Variants in HDGFL2 observed in about 807,000 individuals in gnomAD.
The protein encoded by HDGFL2 is HDGF like 2, also known as hepatoma-derived growth factor-related protein 2.
HDGFL2 carries 36 observed loss-of-function variants against 77.1 expected under a neutral mutation model. That is an observed-to-expected ratio of 0.47 (90% CI 0.36 to 0.62). The LOEUF is 0.62. Ranked by LOEUF, HDGFL2 falls within the 20% of genes least tolerant of loss-of-function variation. The pLI is 0.00. For synonymous variants in HDGFL2, 463 were observed against 413.1 expected, an observed-to-expected ratio of 1.12 and a Z score of -1.46; for missense variants, 976 against 973.4, an observed-to-expected ratio of 1.00 and a Z score of -0.04.
chr19:4,492,506 CTA>C (rs549235657), intron 6 of HDGFL2, among the ~76,000 whole-genome samples: 10 of 151,674 alleles, frequency 6.6e-5, no homozygotes, highest in African/African-American at 1.9e-4. Flanking sequence ...GTTCATGTAT[CTA>C]TGTGTCTGTG....
chr19:4,496,741 A>G (rs1975712771), intron 10 of HDGFL2, among the ~76,000 whole-genome samples: 1 of 151,830 alleles, frequency 6.6e-6, no homozygotes, highest in South Asian at 2.1e-4. Context: ...GCCCAGGATG[A>G]CCCATCCCAG....
intron 15 of HDGFL2, 148 bp downstream of exon 15, chr19:4,501,465 AC>A: frequency 2.2e-6 from 2 of 929,128 alleles, no homozygotes; most frequent in Non-Finnish European, 3.0e-6. Context: ...TTCACAGCTG[AC>A]CCCAGGGCCC....
rs758211864 is a variant in HDGFL2 at position 4,494,335 on chromosome 19, G to C, written c.1084G>C (p.Ala362Pro). 2 of 1,416,058 alleles carry C rather than the reference G, an allele frequency of 1.4e-6. No individual in the cohort carries two copies. The highest frequency in any genetic ancestry group is 1.8e-6 in the Non-Finnish European group (2 of 1,089,114). 87.7% of individuals were successfully genotyped at this position (1,416,058 alleles called of 1,614,324 possible). A position where few individuals can be genotyped will look rare whatever the true frequency, so the allele number is the denominator to read the frequency against. The change falls in exon 9 of 16, where the codon GCT becomes CCT. Residue 362 changes from alanine (A) to proline (P), a missense_variant. By Grantham distance (27) the Ala-to-Pro change is conservative. Transcript: ENST00000616600. ...RRRERADRGEAERGSGGSSGD... is the reference protein window; with the variant it reads ...RRRERADRGEPERGSGGSSGD... ...GCGCGAGCGGGCCGACCGCGGGGAG[G>C]CTGAGCGGGGCAGCGGCGGCAGCAG...
chr19:4,472,865 G>A (rs1974979664), intron 1 of HDGFL2, among the ~76,000 whole-genome samples: 1 of 151,248 alleles, frequency 6.6e-6, no homozygotes, highest in African/African-American at 2.4e-5. Flanking sequence ...GGGTTCTGGG[G>A]GTGTCCAAGC....
At position 4,488,780 on chromosome 19, in the gene HDGFL2, A is replaced by AACCGCCACAGCTGCC; in HGVS notation, c.395_409dup (p.Thr132_Ala136dup). On this transcript the variant is annotated inframe_insertion, in exon 4 of 16. Coordinates refer to ENST00000616600, the MANE Select transcript of HDGFL2 (RefSeq NM_001001520.3). ...GGGGGGTCATGGCCGTCACAGCGGT[A>AACCGCCACAGCTGCC]ACCGCCACAGCTGCCAGCGACAGGA... 6.4e-7 allele frequency: 1 copy of AACCGCCACAGCTGCC among 1,552,082 alleles called. No homozygotes were observed. Among genetic ancestry groups the AACCGCCACAGCTGCC allele is most frequent in the Non-Finnish European group, 8.7e-7 (1 of 1,147,276 alleles).
chr19:4,481,759 C>CA (rs1356155108), intron 3 of HDGFL2, among the ~76,000 whole-genome samples: 1 of 151,990 alleles, frequency 6.6e-6, no homozygotes, highest in Non-Finnish European at 1.5e-5. Context: ...GCCCGGCCCT[C>CA]AGTTTCCTCA....
chr19:4,481,681 T>G (rs1349865486), intron 3 of HDGFL2, among the ~76,000 whole-genome samples: 3 of 151,922 alleles, frequency 2.0e-5, no homozygotes, highest in African/African-American at 7.3e-5. Context: ...GGTCTCGAAC[T>G]CTTGACCTCA....
intron 3 of HDGFL2, among the ~76,000 whole-genome samples, chr19:4,484,580 A>G (rs1975310560): frequency 6.6e-6 from 1 of 150,816 alleles, no homozygotes; most frequent in African/African-American, 2.4e-5. Flanking sequence ...GCTCACTGCA[A>G]GCTCCACCTC....
intron 3 of HDGFL2, among the ~76,000 whole-genome samples, chr19:4,480,939 C>T (rs1975196672): frequency 6.6e-6 from 1 of 151,840 alleles, no homozygotes; most frequent in African/African-American, 2.4e-5. Flanking sequence ...TCACTGCAAC[C>T]TCCACCTCCC....
intron 1 of HDGFL2, chr19:4,475,061 C>T (rs1304102652): frequency 1.7e-6 from 1 of 573,302 alleles, no homozygotes; most frequent in Non-Finnish European, 3.1e-6. Context: ...CCAGCTCCGT[C>T]CCTGGGGTAG....
intron 3 of HDGFL2, among the ~76,000 whole-genome samples, chr19:4,478,688 G>C (rs1481636160): frequency 1.4e-5 from 2 of 143,180 alleles, no homozygotes; most frequent in Admixed American, 6.9e-5. Flanking sequence ...TGGTTGGTTG[G>C]TTTTTTTTTT....
Position 4,472,329 on chromosome 19 carries a change from G to C in HDGFL2, c.-22G>C, listed in dbSNP as rs768020764. The C allele has an allele frequency of 6.6e-7, 1 of 1,506,708 alleles. No individual in the cohort carries two copies. The highest frequency in any genetic ancestry group is 8.9e-7 in the Non-Finnish European group (1 of 1,128,922). The allele number at this position is 1,506,708 out of a possible 1,614,324, so 93.3% of individuals were successfully genotyped here. On this transcript the variant is annotated 5_prime_UTR_variant, in exon 1 of 16. Coordinates refer to ENST00000616600, the MANE Select transcript of HDGFL2 (RefSeq NM_001001520.3). The stretch of plus-strand genomic sequence containing the variant: ...ACCGCCGCTGCAGCCGCTTTCCGCG[G>C]CCTGGGCCTCTCGCCGTCAGCATGC...
At chr19:4,484,399 T>A (rs1975305732) in intron 3 of HDGFL2, among the ~76,000 whole-genome samples, 2 of 152,284 alleles carry the variant, frequency 1.3e-5, no homozygotes, top group African/African-American at 4.8e-5. Context: ...TATTATTATT[T>A]TTTTTCCCAT....
At chr19:4,487,607 C>T (rs1364082257) in intron 3 of HDGFL2, among the ~76,000 whole-genome samples, 1 of 152,168 alleles carries the variant, frequency 6.6e-6, no homozygotes, top group East Asian at 1.9e-4. Context: ...TGCCTGTCAC[C>T]ACGATTTGGA....
intron 4 of HDGFL2, 78 bp from the exon 5 acceptor site, chr19:4,491,487 TG>T: frequency 8.2e-7 from 1 of 1,220,020 alleles, no homozygotes; most frequent in Non-Finnish European, 1.2e-6. Context: ...CTGTCGTGGG[TG>T]GTGGGCAGTC....
At chr19:4,479,539 C>G (rs1163728097) in intron 3 of HDGFL2, among the ~76,000 whole-genome samples, 5 of 150,656 alleles carry the variant, frequency 3.3e-5, no homozygotes, top group African/African-American at 1.2e-4. Flanking sequence ...TGAGCTCCCA[C>G]CACTGCACTC....
In HDGFL2 at chr19:4,477,895, G is replaced by T. The variant is rs551573555; in HGVS notation, c.288+2312G>T. Among the ~76,000 whole-genome samples the T allele has an allele frequency of 3.9e-5, 6 of 152,092 alleles. No homozygotes were observed. The East Asian group carries it at 1.2e-3, about 30-fold the overall frequency. ...AGGAGTTCAAGACCAGCTTGGCCAA[G>T]ATGGTGAAACCCAGTATCTACTAAA... On this transcript the variant is annotated intron_variant, in intron 3 of 15. Coordinates refer to ENST00000616600, the MANE Select transcript of HDGFL2 (RefSeq NM_001001520.3).
In HDGFL2 at chr19:4,478,805, C is replaced by T. The variant is rs143518075; in HGVS notation, c.288+3222C>T. ...TAAGTGATTCTTCTTCTGCCTCAGC[C>T]TCCCAAGTAGCTGGGACTACAGGCA... On this transcript the variant is annotated intron_variant, in intron 3 of 15. Coordinates refer to ENST00000616600, the MANE Select transcript of HDGFL2 (RefSeq NM_001001520.3). Among the ~76,000 whole-genome samples, 476 of 152,030 alleles carry T rather than the reference C, an allele frequency of 3.1e-3. 2 individuals are homozygous for T. The highest frequency in any genetic ancestry group is 0.011 in the African/African-American group (451 of 41,518).
chr19:4,482,026 CTTTTTTTTTTTTTTT>C (rs34398630), intron 3 of HDGFL2, among the ~76,000 whole-genome samples: 1 of 71,664 alleles, frequency 1.4e-5, no homozygotes, highest in African/African-American at 6.0e-5. Flanking sequence ...TGGCTTTGGC[CTTTTTTTTTTTTTTT>C]TTTTTTTTTG....
Sources: gnomAD v4.1 joint callset for allele counts (sites outside exome capture counted in the v4.1 genomes callset) on GRCh38, gnomAD v4.1.1 for gene constraint, MANE v1.5 for transcripts, NCBI Gene and HGNC (gene_info 2026-07-23, HGNC 2026-07-21) for gene names.